Variants in MCM4 observed in about 807,000 individuals in gnomAD.
MCM4 encodes the protein minichromosome maintenance complex component 4.
A neutral mutation model predicts 88.7 loss-of-function variants in MCM4; 60 were observed. The observed-to-expected ratio is 0.68, with a 90% confidence interval of 0.55 to 0.84. MCM4 has a LOEUF of 0.84. Ranked by LOEUF, MCM4 falls within the 40% of genes least tolerant of loss-of-function variation. MCM4 has a pLI of 0.00. For synonymous variants in MCM4, 465 were observed against 410.5 expected (o/e 1.13, Z -1.61); for missense variants, 1,149 against 1,105.5 (o/e 1.04, Z -0.56).
Position 47,967,468 on chromosome 8 carries a change from A to G in MCM4, c.1157A>G (p.Asp386Gly). 1.9e-6 allele frequency: 3 copies of G among 1,614,162 alleles called. No homozygotes were observed. Among genetic ancestry groups the G allele is most frequent in the Non-Finnish European group, 2.5e-6 (3 of 1,180,004 alleles). ...NDLVDKVQPG[D>G]RVNVTGIYRA... is the part of the protein sequence containing the mutation. ...CTCGTTGACAAGGTCCAGCCTGGGG[A>G]CAGAGTGAATGTTACAGGTAAGAGT... Residue 386 changes from aspartate (D) to glycine (G), a missense_variant, in exon 10 of 17, where the codon GAC (aspartate) becomes GGC (glycine). Transcript: ENST00000649973.
chr8:47,963,083 TAGAA>T, intron 7 of MCM4, 43 bp downstream of exon 7: 1 of 1,118,702 alleles, frequency 8.9e-7, no homozygotes. Flanking sequence ...AGTAACAGTC[TAGAA>T]AGAATGTTTC....
chr8:47,964,438 C>A, intron 7 of MCM4, 136 bp from the exon 8 acceptor site: 1 of 550,730 alleles, frequency 1.8e-6, no homozygotes, highest in Non-Finnish European at 3.1e-6. Flanking sequence ...TTGAAAACAG[C>A]ACGTGCATGA....
At chr8:47,975,635 C>A in intron 15 of MCM4, 80 bp from the exon 16 acceptor site, 3 of 1,113,940 alleles carry the variant, frequency 2.7e-6, no homozygotes, top group Non-Finnish European at 2.5e-6. Flanking sequence ...GGTGATACTA[C>A]TAAAGGAATA....
chr8:47,972,906 A>G lies in MCM4; in HGVS notation c.1978A>G (p.Arg660Gly). 1 of 1,614,194 alleles carries G rather than the reference A, an allele frequency of 6.2e-7. No individual in the cohort carries two copies. Among genetic ancestry groups the G allele is most frequent in the Non-Finnish European group, 8.5e-7 (1 of 1,180,032 alleles). Residue 660 changes from arginine to glycine, a missense_variant, in exon 14 of 17, where the codon AGG (arginine) becomes GGG (glycine). This residue lies in a region of MCM4 where 906 missense variants were observed against 843.0 expected (regional missense o/e 1.07). Coordinates refer to ENST00000649973, the MANE Select transcript of MCM4 (RefSeq NM_182746.3). ...GGACCCTCAGGACGAAGCCTATGAC[A>G]GGCGTCTGGCTCACCACCTGGTCGC... ...LLDPQDEAYDRRLAHHLVALY... is the reference protein window; with the variant it reads ...LLDPQDEAYDGRLAHHLVALY...
chr8:47,978,090 T>C lies in MCM4; in HGVS notation c.*1312T>C, dbSNP rs2091016746. The C allele has an allele frequency of 1.3e-5, 2 of 152,252 alleles. No homozygotes were observed. Among genetic ancestry groups the C allele is most frequent in the African/African-American group, 4.8e-5 (2 of 41,466 alleles). 9.4% of individuals were successfully genotyped at this position (152,252 alleles called of 1,614,324 possible). A position where few individuals can be genotyped will look rare whatever the true frequency, so the allele number is the denominator to read the frequency against. On this transcript the variant is annotated 3_prime_UTR_variant, in exon 17 of 17. Transcript: ENST00000649973. The stretch of plus-strand genomic sequence containing the variant: ...TGAATTAAATCCTAACAGTCATCTT[T>C]ATAAAATGACCATAGGCTAAAATCT...
chr8:47,972,797 T>C, intron 13 of MCM4, 60 bp from the exon 14 acceptor site: 1 of 1,382,420 alleles, frequency 7.2e-7, no homozygotes, highest in Non-Finnish European at 1.0e-6. Context: ...CCTCAGGTGA[T>C]CCACCTGCCT....
At position 47,971,414 on chromosome 8, in the gene MCM4, A is replaced by T; in HGVS notation, c.1874A>T (p.Asn625Ile). The T allele has an allele frequency of 1.9e-6, 3 of 1,614,134 alleles. No individual in the cohort carries two copies. The highest frequency in any genetic ancestry group is 2.5e-6 in the Non-Finnish European group (3 of 1,179,990). Residue 625 changes from asparagine (N) to isoleucine (I), a missense_variant, in exon 13 of 17, where the codon AAT becomes ATT. By Grantham distance (149) the Asn-to-Ile change is moderately radical. Coordinates refer to ENST00000649973, the MANE Select transcript of MCM4 (RefSeq NM_182746.3). Reference protein sequence around the residue: ...AAANPIESQWNPKKTTIENIQ... With the variant: ...AAANPIESQWIPKKTTIENIQ... ...GCAAATCCCATTGAGTCTCAGTGGA[A>T]TCCTAAAAAAACAACCATTGAAAAC...
At position 47,971,369 on chromosome 8, in the gene MCM4, G is replaced by A. The variant is rs151044076; in HGVS notation, c.1829G>A (p.Arg610His). 1.7e-4 allele frequency: 277 copies of A among 1,614,072 alleles called. No homozygotes were observed. In the East Asian group the frequency reaches 2.4e-3, roughly 14 times the overall value. The change falls in exon 13 of 17, where the codon CGC (arginine) becomes CAC (histidine). Residue 610 changes from arginine to histidine, a missense_variant. Around this residue, in one of 3 missense-constraint regions of MCM4, gnomAD observed 906 missense variants for 843.0 expected, o/e 1.07. Coordinates refer to ENST00000649973, the MANE Select transcript of MCM4 (RefSeq NM_182746.3). ...GGGATCATCTGTCAGCTCAATGCGC[G>A]CACCTCTGTCCTGGCAGCAGCAAAT... Reference protein sequence around the residue: ...KAGIICQLNARTSVLAAANPI... With the variant: ...KAGIICQLNAHTSVLAAANPI...
rs778317899 is a variant in MCM4, at chr8:47,970,080, G to C, written c.1434+23G>C. ...AAGGTAACAGTGGATTTTAAACTAG[G>C]GGTTGGGATTTACAATTCTTTGGGA... On this transcript the variant is annotated intron_variant, in intron 11 of 16. Coordinates refer to ENST00000649973, the MANE Select transcript of MCM4 (RefSeq NM_182746.3). The C allele has an allele frequency of 4.4e-6, 7 of 1,608,148 alleles. No homozygotes were observed. The South Asian group carries it at 6.6e-5, about 15-fold the overall frequency.
chr8:47,966,952 A>G (rs978796996), intron 9 of MCM4, among the ~76,000 whole-genome samples: 1 of 152,236 alleles, frequency 6.6e-6, no homozygotes, highest in South Asian at 2.1e-4. Flanking sequence ...TTAATGTTGC[A>G]TGGGATGGAG....
chr8:47,976,678 C>G lies in MCM4; in HGVS notation c.2500-8C>G. The G allele has an allele frequency of 6.2e-7, 1 of 1,605,188 alleles. No individual in the cohort carries two copies. Among genetic ancestry groups the G allele is most frequent in the East Asian group, 2.2e-5 (1 of 44,776 alleles). ...GTACAATATTTATTTTCTTTCTCTT[C>G]CCCACAGGCAATTACTAAAGATATG... On this transcript the variant is annotated splice_polypyrimidine_tract_variant and splice_region_variant and intron_variant, in intron 16 of 16. Coordinates refer to ENST00000649973, the MANE Select transcript of MCM4 (RefSeq NM_182746.3).
In MCM4 at chr8:47,970,777, C is replaced by T; in HGVS notation, c.1701C>T (p.Asp567=). 2 of 1,614,158 alleles carry T rather than the reference C, an allele frequency of 1.2e-6. No homozygotes were observed. Among genetic ancestry groups the T allele is most frequent in the Non-Finnish European group, 1.7e-6 (2 of 1,180,044 alleles). Residue 567 remains aspartate, a synonymous_variant, in exon 12 of 17, where the codon GAC becomes GAT. Coordinates refer to ENST00000649973, the MANE Select transcript of MCM4 (RefSeq NM_182746.3). ...AGACAGGTGCTCTTGTCCTGAGTGA[C>T]AACGGCATCTGCTGTATCGATGAGT... ...VLQTGALVLS[D]NGICCIDEFD... is the part of the protein sequence containing the mutation.
In MCM4 at chr8:47,973,104, A is replaced by G. The variant is rs2154505405; in HGVS notation, c.2136+40A>G. The G allele has an allele frequency of 1.3e-6, 2 of 1,539,472 alleles. 1 individual carries two copies. Among genetic ancestry groups the G allele is most frequent in the Middle Eastern group, 4.3e-4 (2 of 4,668 alleles). On this transcript the variant is annotated intron_variant, in intron 14 of 16. Coordinates refer to ENST00000649973, the MANE Select transcript of MCM4 (RefSeq NM_182746.3). ...AAAAGGCTTACTGTGCCTGTAGCCCACAGCATTAATGTAACTGACCAATCA... is the reference window on the plus strand; with the variant it reads ...AAAAGGCTTACTGTGCCTGTAGCCCGCAGCATTAATGTAACTGACCAATCA...
intron 2 of MCM4, 55 bp from the exon 3 acceptor site, chr8:47,961,461 A>C: frequency 6.2e-7 from 1 of 1,612,160 alleles, no homozygotes; most frequent in Non-Finnish European, 8.5e-7. Flanking sequence ...AGACAAATCC[A>C]GGAAGGCCGG....
chr8:47,961,209 A>G lies in MCM4; in HGVS notation c.65A>G (p.Gln22Arg). The change falls in exon 2 of 17, where the codon CAG becomes CGG. Residue 22 changes from glutamine (Q) to arginine (R), a missense_variant. Physicochemically the swap from Gln to Arg is conservative, Grantham distance 43. Coordinates refer to ENST00000649973, the MANE Select transcript of MCM4 (RefSeq NM_182746.3). The stretch of plus-strand genomic sequence containing the variant: ...CGGCGTGGAAGGGCCACCCCCGCCC[A>G]GACGCGTGAGTCCCCCGAGCCGGGC... ...GSRRGRATPA[Q>R]TPRSEDARSS... 6.6e-7 allele frequency: 1 copy of G among 1,516,624 alleles called. No homozygotes were observed. The highest frequency in any genetic ancestry group is 1.2e-5 in the South Asian group (1 of 82,436). 93.9% of individuals were successfully genotyped at this position (1,516,624 alleles called of 1,614,324 possible). A position where few individuals can be genotyped will look rare whatever the true frequency, so the allele number is the denominator to read the frequency against.
Position 47,975,713 on chromosome 8 carries a change from A to G in MCM4, c.2366-2A>G. ...GTTTTCATTGATTTCTTTTTAAATC[A>G]GGGATGAGTGCCACCTCTCGTAAAC... On this transcript the variant is annotated splice_acceptor_variant, in intron 15 of 16. Transcript: ENST00000649973. LOFTEE classifies it high-confidence loss of function. 1 of 1,545,466 alleles carries G rather than the reference A, an allele frequency of 6.5e-7. No homozygotes were observed. Among genetic ancestry groups the G allele is most frequent in the Non-Finnish European group, 8.7e-7 (1 of 1,154,978 alleles).
In MCM4 at chr8:47,962,793, G is replaced by C. The variant is rs569515414; in HGVS notation, c.531G>C (p.Leu177=). 1 of 1,609,460 alleles carries C rather than the reference G, an allele frequency of 6.2e-7. No individual in the cohort carries two copies. The highest frequency in any genetic ancestry group is 1.7e-5 in the Admixed American group (1 of 59,052). ...QRFLQRFIDP[L]AKEEENVGID... ...TTCTTCAGCGTTTTATTGACCCTCTGGCTAAAGAAGAAGAAAATGTTGGCA... is the reference window on the plus strand; with the variant it reads ...TTCTTCAGCGTTTTATTGACCCTCTCGCTAAAGAAGAAGAAAATGTTGGCA... Residue 177 remains leucine (L), a synonymous_variant, in exon 6 of 17, where the codon CTG becomes CTC. Transcript: ENST00000649973.
chr8:47,971,338 T>C lies in MCM4; in HGVS notation c.1801-3T>C, dbSNP rs2090952040. ...CTTCTAACTGCACTCTTTGCTCTGA[T>C]AGGCTGGGATCATCTGTCAGCTCAA... On this transcript the variant is annotated splice_polypyrimidine_tract_variant and splice_region_variant and intron_variant, in intron 12 of 16. Coordinates refer to ENST00000649973, the MANE Select transcript of MCM4 (RefSeq NM_182746.3). 1 of 1,614,122 alleles carries C rather than the reference T, an allele frequency of 6.2e-7. No homozygotes were observed. Among genetic ancestry groups the C allele is most frequent in the Non-Finnish European group, 8.5e-7 (1 of 1,180,018 alleles).
At position 47,962,840 on chromosome 8, in the gene MCM4, A is replaced by T; in HGVS notation, c.578A>T (p.Tyr193Phe). ...GGCATAGATATTACTGAACCTCTATACATGCAACGACTTGGGGAGGTAATC... is the reference window on the plus strand; with the variant it reads ...GGCATAGATATTACTGAACCTCTATTCATGCAACGACTTGGGGAGGTAATC... Reference protein sequence around the residue: ...NVGIDITEPLYMQRLGEINVI... With the variant: ...NVGIDITEPLFMQRLGEINVI... Residue 193 changes from tyrosine (Y) to phenylalanine (F), a missense_variant, in exon 6 of 17, where the codon TAC becomes TTC. Physicochemically the swap from Tyr to Phe is conservative, Grantham distance 22. Coordinates refer to ENST00000649973, the MANE Select transcript of MCM4 (RefSeq NM_182746.3). 11 of 1,607,064 alleles carry T rather than the reference A, an allele frequency of 6.8e-6. No homozygotes were observed. Among genetic ancestry groups the T allele is most frequent in the Non-Finnish European group, 9.3e-6 (11 of 1,177,752 alleles).
Sources: gnomAD v4.1 joint callset for allele counts (sites outside exome capture counted in the v4.1 genomes callset) on GRCh38, gnomAD v4.1.1 for gene constraint, gnomAD v4.1.1 regional missense constraint, MANE v1.5 for transcripts, NCBI Gene and HGNC (gene_info 2026-07-23, HGNC 2026-07-21) for gene names.